CNOT1: variants seen among roughly 807,000 people sequenced by gnomAD.
CNOT1 encodes the protein CCR4-NOT transcription complex subunit 1.
In CNOT1, 15 loss-of-function variants were observed where a neutral mutation model predicts 273.8. The observed-to-expected ratio is 0.05, with a 90% CI of 0.04 to 0.08. The LOEUF (loss-of-function observed/expected upper bound fraction) is 0.08, where lower values mean the gene tolerates loss of function less well. Among genes scored for constraint, CNOT1 ranks in the 10% least tolerant of loss-of-function variants. The probability of loss-of-function intolerance (pLI) is 1.00; values close to 1 mark genes in which losing one functional copy is unlikely to be tolerated. For missense variants in CNOT1, 1,644 were observed against 2,912.2 expected, an observed-to-expected ratio of 0.56 and a Z score of 10.02; for synonymous variants, 1,022 against 1,005.5, an observed-to-expected ratio of 1.02 and a Z score of -0.31.
chr16:58,546,587 T>G, intron 28 of CNOT1, 85 bp downstream of exon 28: 12 of 1,608,122 alleles, frequency 7.5e-6, no homozygotes, highest in Non-Finnish European at 8.5e-6. Context: ...TTATAGTACT[T>G]CCCCCGAAAT....
At chr16:58,549,576 A>C (rs1357144829) in intron 25 of CNOT1, 143 bp downstream of exon 25, 2 of 1,345,254 alleles carry the variant, frequency 1.5e-6, no homozygotes, top group Non-Finnish European at 9.7e-7. Context: ...TTAGTTCCAT[A>C]TAAGAAACAA....
intron 1 of CNOT1, among the ~76,000 whole-genome samples, chr16:58,625,853 G>GCT (rs1237938465): frequency 1.2e-5 from 1 of 86,252 alleles, no homozygotes; most frequent in Non-Finnish European, 2.1e-5. Flanking sequence ...GTGAAACCCT[G>GCT]TCTCAAAAAA....
In CNOT1 at chr16:58,578,771, G is replaced by A. The variant is rs2041556177; in HGVS notation, c.1512C>T (p.Ser504=). ...TTCCAAGGAAAATTGGCATCAGAGT[G>A]GAGATAAGTTCATGGCGCAAGGTAT... is the stretch of plus-strand genomic sequence containing the variant. ...SWHTLRHELI[S]TLMPIFLGNH... The change falls in exon 13 of 49, where the codon TCC becomes TCT. Residue 504 remains serine, a synonymous_variant. Transcript: ENST00000317147. 1.2e-6 allele frequency: 2 copies of A among 1,614,118 alleles called. No homozygotes were observed. The highest frequency in any genetic ancestry group is 4.5e-5 in the East Asian group (2 of 44,870).
At chr16:58,627,681 C>T (rs1037386727) in intron 1 of CNOT1, among the ~76,000 whole-genome samples, 1 of 151,832 alleles carries the variant, frequency 6.6e-6, no homozygotes, top group Non-Finnish European at 1.5e-5. Flanking sequence ...AAAATGAACC[C>T]GGGGTGTTAA....
intron 18 of CNOT1, among the ~76,000 whole-genome samples, chr16:58,557,636 CAAAA>C (rs11341499): frequency 7.3e-5 from 11 of 151,478 alleles, no homozygotes; most frequent in South Asian, 2.1e-4. Context: ...ACAACAACAA[CAAAA>C]AAAATATAGC....
intron 1 of CNOT1, among the ~76,000 whole-genome samples, chr16:58,610,470 G>A (rs917815546): frequency 2.0e-5 from 3 of 152,076 alleles, no homozygotes; most frequent in East Asian, 3.9e-4. Flanking sequence ...TTGGGAGACC[G>A]AGGCAGGTGG....
At position 58,520,713 on chromosome 16, in the gene CNOT1, T is replaced by C. The variant is rs953042413; in HGVS notation, c.*245A>G. On this transcript the variant is annotated 3_prime_UTR_variant, in exon 49 of 49. Transcript: ENST00000317147. ...ACAAAGGTTTTCTCTTTCATGTATTTACACAAGTTCAAAATGATATTCACA... is the reference window on the plus strand; with the variant it reads ...ACAAAGGTTTTCTCTTTCATGTATTCACACAAGTTCAAAATGATATTCACA... The C allele has an allele frequency of 1.9e-6, 1 of 529,656 alleles. No homozygotes were observed. The highest frequency in any genetic ancestry group is 3.4e-6 in the Non-Finnish European group (1 of 294,142). 32.8% of individuals were successfully genotyped at this position (529,656 alleles called of 1,614,324 possible). A position where few individuals can be genotyped will look rare whatever the true frequency, so the allele number is the denominator to read the frequency against.
intron 1 of CNOT1, among the ~76,000 whole-genome samples, chr16:58,601,620 TAC>T (rs1316278668): frequency 6.6e-6 from 1 of 151,546 alleles, no homozygotes; most frequent in Non-Finnish European, 1.5e-5. Flanking sequence ...GTATAAAGGT[TAC>T]ACACTTTTAT....
rs894335857 is a variant in CNOT1, at chr16:58,542,933, A to G, written c.4435-365T>C. On this transcript the variant is annotated intron_variant, in intron 31 of 48. Coordinates refer to ENST00000317147, the MANE Select transcript of CNOT1 (RefSeq NM_016284.5). ...TGGTGAAGCCACTTCTCTACTAAAA[A>G]AATACATAAATTAGTGGGGCGTGGT... 2.0e-5 allele frequency among the ~76,000 whole-genome samples: 3 copies of G among 152,152 alleles called. No individual in the cohort carries two copies. In the East Asian group the frequency reaches 5.8e-4, roughly 29 times the overall value.
intron 47 of CNOT1, among the ~76,000 whole-genome samples, chr16:58,522,068 C>T (rs2039401627): frequency 6.6e-6 from 1 of 151,496 alleles, no homozygotes; most frequent in African/African-American, 2.4e-5. Context: ...GCCTGTAATC[C>T]CAGCACTCTG....
In CNOT1 at chr16:58,539,749, T is replaced by C. The variant is rs1249661445; in HGVS notation, c.4992+19A>G. The C allele has an allele frequency of 6.3e-7, 1 of 1,591,386 alleles. No individual in the cohort carries two copies. Among genetic ancestry groups the C allele is most frequent in the Non-Finnish European group, 8.6e-7 (1 of 1,168,308 alleles). On this transcript the variant is annotated intron_variant, in intron 35 of 48. Coordinates refer to ENST00000317147, the MANE Select transcript of CNOT1 (RefSeq NM_016284.5). ...TTACACACCTAGCATTTTCTAAAAG[T>C]AATAGCTTAAGAACCAACCTTTTGG...
Position 58,546,707 on chromosome 16 carries a change from C to A in CNOT1, c.3793G>T (p.Val1265Leu), listed in dbSNP as rs1479268736. The A allele has an allele frequency of 1.9e-6, 3 of 1,613,918 alleles. No homozygotes were observed. The Admixed American group carries it at 5.0e-5, about 27-fold the overall frequency. The change falls in exon 28 of 49, where the codon GTA becomes TTA. Residue 1265 changes from valine to leucine, a missense_variant. Physicochemically the swap from Val to Leu is conservative, Grantham distance 32 (BLOSUM62 1). Around this residue, in one of 13 missense-constraint regions of CNOT1, gnomAD observed 124 missense variants for 289.3 expected, o/e 0.43. Transcript: ENST00000317147. ...TGCTCCTGATGTAGCTCAGCTAATA[C>A]ATTCATAATTGCCATTGTCCAAGGG... ...PNPWTMAIMN[V>L]LAELHQEHDL...
intron 19 of CNOT1, 119 bp from the exon 20 acceptor site, chr16:58,556,027 A>C (rs2040618204): frequency 6.7e-7 from 1 of 1,484,146 alleles, no homozygotes; most frequent in South Asian, 1.4e-5. Context: ...AAAAAACTGG[A>C]AAAGGTATTA....
chr16:58,543,120 C>A, intron 31 of CNOT1: 1 of 1,295,540 alleles, frequency 7.7e-7, no homozygotes, highest in East Asian at 3.9e-5. Flanking sequence ...AGGCAAAAAA[C>A]AACCAAAAAA....
chr16:58,527,930 A>C, intron 44 of CNOT1: 1 of 260,920 alleles, frequency 3.8e-6, no homozygotes, highest in Non-Finnish European at 7.7e-6. Context: ...AACCTGGCTG[A>C]CATGGCGAAA....
intron 16 of CNOT1, among the ~76,000 whole-genome samples, chr16:58,562,221 GGTGGA>G (rs1372764722): frequency 2.0e-5 from 3 of 151,744 alleles, no homozygotes; most frequent in Non-Finnish European, 2.9e-5. Context: ...GTAGCTGGGA[GGTGGA>G]GGTGGCTTAC....
chr16:58,595,493 A>C (rs2042222747), intron 2 of CNOT1, among the ~76,000 whole-genome samples: 1 of 152,090 alleles, frequency 6.6e-6, no homozygotes, highest in Admixed American at 6.6e-5. Context: ...GCAACCCCTT[A>C]ATCACAAGAC....
chr16:58,575,776 C>T (rs142238300), intron 14 of CNOT1, among the ~76,000 whole-genome samples: 4 of 150,988 alleles, frequency 2.6e-5, no homozygotes, highest in East Asian at 3.9e-4. Flanking sequence ...CCAGCCTGGG[C>T]GACAGAGTAA....
At chr16:58,565,939 C>CAAA (rs35857214) in intron 16 of CNOT1, among the ~76,000 whole-genome samples, 23 of 144,838 alleles carry the variant, frequency 1.6e-4, no homozygotes, top group African/African-American at 4.3e-4. Flanking sequence ...GACCCTGCCT[C>CAAA]AAAAAAAAAA....
Sources: gnomAD v4.1 joint callset for allele counts (sites outside exome capture counted in the v4.1 genomes callset) on GRCh38, gnomAD v4.1.1 for gene constraint, gnomAD v4.1.1 regional missense constraint, MANE v1.5 for transcripts, NCBI Gene and HGNC (gene_info 2026-07-23, HGNC 2026-07-21) for gene names.